Variants in TNS2 observed in about 807,000 individuals in gnomAD.
TNS2 encodes tensin-2.
TNS2 carries 77 observed loss-of-function variants against 155.7 expected under a neutral mutation model. The ratio of observed to expected loss-of-function variants is 0.49; its 90% CI spans 0.41 to 0.60. The LOEUF (loss-of-function observed/expected upper bound fraction) is 0.60. Among genes scored for constraint, TNS2 ranks in the 20% least tolerant of loss-of-function variants. The pLI is 0.00. For synonymous variants in TNS2, 726 were observed against 763.9 expected (o/e 0.95, Z 0.82); for missense variants, 1,703 against 1,868.8 (o/e 0.91, Z 1.64).
chr12:53,053,826 G>A lies in TNS2; in HGVS notation c.300+14G>A. On this transcript the variant is annotated intron_variant, in intron 5 of 28. Coordinates refer to ENST00000314250, the MANE Select transcript of TNS2 (RefSeq NM_170754.4). ...ATAGAGCACCTGGTAAGGTGATGCTGGAGCAGGAGGGGGAAGCAGGTAGCT... is the reference window on the plus strand; with the variant it reads ...ATAGAGCACCTGGTAAGGTGATGCTAGAGCAGGAGGGGGAAGCAGGTAGCT... The A allele has an allele frequency of 1.1e-5, 17 of 1,613,456 alleles. No homozygotes were observed. Among genetic ancestry groups the A allele is most frequent in the Non-Finnish European group, 1.4e-5 (17 of 1,179,740 alleles).
chr12:53,057,260 A>G (rs2121120360), intron 11 of TNS2, among the ~76,000 whole-genome samples, 164 bp downstream of exon 11: 1 of 152,316 alleles, frequency 6.6e-6, no homozygotes, highest in East Asian at 1.9e-4. Flanking sequence ...TGGAGCTTTC[A>G]TGCTAGTAGG....
chr12:53,063,550 TCTC>T lies in TNS2; in HGVS notation c.4062-10_4062-8del, dbSNP rs768606984. 3 of 1,613,566 alleles carry T rather than the reference TCTC, an allele frequency of 1.9e-6. No homozygotes were observed. Among genetic ancestry groups the T allele is most frequent in the East Asian group, 2.2e-5 (1 of 44,840 alleles). ...CCTGGGGTGTGCATCTTCACCTTCT[TCTC>T]CTTCTGCAGATGGACCAACCCAGAC... On this transcript the variant is annotated splice_polypyrimidine_tract_variant and intron_variant, in intron 27 of 28. Transcript: ENST00000314250. The surrounding 1 kb of genome is among the most constrained non-coding windows in gnomAD (Gnocchi z 5.6).
Position 53,061,362 on chromosome 12 carries a change from A to G in TNS2, c.3359-18A>G. ...CCCGGGTACCCTGGGGTCTGAACCT[A>G]CTCCCTCCCTGTCCTAGAGCCTCCT... On this transcript the variant is annotated intron_variant, in intron 20 of 28. Coordinates refer to ENST00000314250, the MANE Select transcript of TNS2 (RefSeq NM_170754.4). 6.2e-7 allele frequency: 1 copy of G among 1,613,136 alleles called. No homozygotes were observed. The highest frequency in any genetic ancestry group is 1.1e-5 in the South Asian group (1 of 91,044).
intron 7 of TNS2, among the ~76,000 whole-genome samples, 199 bp from the exon 8 acceptor site, chr12:53,054,987 T>C (rs556016430): frequency 1.3e-5 from 2 of 152,116 alleles, no homozygotes; most frequent in Non-Finnish European, 2.9e-5. Context: ...TTTCACCATG[T>C]TGGCCAGGCT....
At chr12:53,047,433 T>G (rs1371205963), upstream of TNS2, among the ~76,000 whole-genome samples, 1 of 142,658 alleles carries the variant, frequency 7.0e-6, no homozygotes, top group Non-Finnish European at 1.5e-5. Context: ...GCGCGGGCAG[T>G]GCCAGGGGCG....
At position 53,060,397 on chromosome 12, in the gene TNS2, C is replaced by T. The variant is rs371041171; in HGVS notation, c.2618-8C>T. 2 of 1,611,166 alleles carry T rather than the reference C, an allele frequency of 1.2e-6. No homozygotes were observed. Among genetic ancestry groups the T allele is most frequent in the Non-Finnish European group, 1.7e-6 (2 of 1,178,602 alleles). On this transcript the variant is annotated splice_region_variant and splice_polypyrimidine_tract_variant and intron_variant, in intron 18 of 28. Transcript: ENST00000314250. This position sits in a 1 kb window ranked among gnomAD's most constrained non-coding sequence, Gnocchi z 6.1. Reference sequence around the variant, plus strand: ...CTGCTCACAGCCCACCTCTCCCCTTCACTGCAGAGTCGCTGGAGCCGGTGT... The same window carrying T: ...CTGCTCACAGCCCACCTCTCCCCTTTACTGCAGAGTCGCTGGAGCCGGTGT...
At position 53,062,140 on chromosome 12, in the gene TNS2, C is replaced by T. The variant is rs753074250; in HGVS notation, c.3575-13C>T. ...AATCCTAAAGCCGCAATCTTCCCCTCGCCTCCTCTCAGGGGACCCCGTGGA... is the reference window on the plus strand; with the variant it reads ...AATCCTAAAGCCGCAATCTTCCCCTTGCCTCCTCTCAGGGGACCCCGTGGA... On this transcript the variant is annotated splice_polypyrimidine_tract_variant and intron_variant, in intron 22 of 28. Transcript: ENST00000314250. The T allele has an allele frequency of 2.7e-5, 43 of 1,613,656 alleles. No individual in the cohort carries two copies. The highest frequency in any genetic ancestry group is 6.7e-5 in the African/African-American group (5 of 74,916).
chr12:53,056,658 G>C (rs964389145), intron 10 of TNS2, among the ~76,000 whole-genome samples: 1 of 152,090 alleles, frequency 6.6e-6, no homozygotes, highest in African/African-American at 2.4e-5. Flanking sequence ...TTGGATTCAG[G>C]GTCCACCCTC....
chr12:53,059,362 G>T lies in TNS2; in HGVS notation c.1721G>T (p.Gly574Val). The T allele has an allele frequency of 6.9e-7, 1 of 1,452,280 alleles. No individual in the cohort carries two copies. 90.0% of individuals were successfully genotyped at this position (1,452,280 alleles called of 1,614,324 possible). The change falls in exon 18 of 29, where the codon GGA becomes GTA. Residue 574 changes from glycine to valine, a missense_variant. Gly to Val is a moderately radical substitution (Grantham distance 109). Transcript: ENST00000314250. This position sits in a 1 kb window ranked among gnomAD's most constrained non-coding sequence, Gnocchi z 4.7. ...LDDEEQPTVG[G>V]GPHLGVYPGH... Reference sequence around the variant, plus strand: ...GACGAAGAGCAGCCCACTGTGGGCGGAGGCCCCCACCTCGGAGTGTATCCA... The same window carrying T: ...GACGAAGAGCAGCCCACTGTGGGCGTAGGCCCCCACCTCGGAGTGTATCCA...
At chr12:53,052,807 T>TGGGGAGGGG (rs1943989139) in intron 3 of TNS2, among the ~76,000 whole-genome samples, 3 of 28,470 alleles carry the variant, frequency 1.1e-4, no homozygotes, top group Admixed American at 3.7e-4. Flanking sequence ...GTGGGGTGGG[T>TGGGGAGGGG]GGGGAGTGGG....
rs1455676391 is a variant in TNS2 at position 53,063,323 on chromosome 12, G to A, written c.3993-26G>A. The A allele has an allele frequency of 6.2e-7, 1 of 1,613,880 alleles. No homozygotes were observed. The highest frequency in any genetic ancestry group is 1.7e-5 in the Admixed American group (1 of 60,002). On this transcript the variant is annotated intron_variant, in intron 26 of 28. Coordinates refer to ENST00000314250, the MANE Select transcript of TNS2 (RefSeq NM_170754.4). This position sits in a 1 kb window ranked among gnomAD's most constrained non-coding sequence, Gnocchi z 5.6. ...CCTGGGGGCTCATGTTTCTGAGTGT[G>A]ACCTTCCTCACCCTCCTCCTTGCAG... is the stretch of plus-strand genomic sequence containing the variant.
chr12:53,059,402 C>A lies in TNS2; in HGVS notation c.1761C>A (p.Gly587=). ...GAGTGTATCCAGGCCATAGGCCTGG[C>A]CTCAGCCGCCACTGCTCCTGCCGCC... The part of the protein sequence containing the change: ...HLGVYPGHRP[G]LSRHCSCRQG... Residue 587 remains glycine, a synonymous_variant, in exon 18 of 29, where the codon GGC becomes GGA. Coordinates refer to ENST00000314250, the MANE Select transcript of TNS2 (RefSeq NM_170754.4). This position sits in a 1 kb window ranked among gnomAD's most constrained non-coding sequence, Gnocchi z 4.7. 6.8e-7 allele frequency: 1 copy of A among 1,470,240 alleles called. No homozygotes were observed. Among genetic ancestry groups the A allele is most frequent in the Non-Finnish European group, 9.0e-7 (1 of 1,111,892 alleles). The allele number at this position is 1,470,240 out of a possible 1,614,324, so 91.1% of individuals were successfully genotyped here.
At chr12:53,055,384 C>T (rs1450033373) in intron 8 of TNS2, 148 bp downstream of exon 8, 9 of 1,159,768 alleles carry the variant, frequency 7.8e-6, no homozygotes, top group Non-Finnish European at 1.1e-5. Context: ...CTGGAGACAC[C>T]CCAAAACGTG....
chr12:53,047,452 GGGGCGCGGGGCCGCCGGAGGTCGAGA>G (rs1357861177), upstream of TNS2, among the ~76,000 whole-genome samples: 1 of 144,630 alleles, frequency 6.9e-6, no homozygotes, highest in Non-Finnish European at 1.5e-5. Flanking sequence ...CGGGCGCCAG[GGGGCGCGGGGCCGCCGGAGGTCGAGA>G]GGGCGCGGGG....
chr12:53,051,899 G>A lies in TNS2; in HGVS notation c.120G>A (p.Arg40=). The A allele has an allele frequency of 2.5e-6, 4 of 1,613,604 alleles. No homozygotes were observed. Among genetic ancestry groups the A allele is most frequent in the Non-Finnish European group, 3.4e-6 (4 of 1,179,796 alleles). ...ATAGCTTCCGGGAGAAGGTTTTCCG[G>A]AAGAAACCTCCAGTCTGTGCAGTAT... The part of the protein sequence containing the change: ...EPHSFREKVF[R]KKPPVCAVCK... Residue 40 remains arginine, a synonymous_variant, in exon 2 of 29, where the codon CGG becomes CGA. Coordinates refer to ENST00000314250, the MANE Select transcript of TNS2 (RefSeq NM_170754.4).
At position 53,062,668 on chromosome 12, in the gene TNS2, C is replaced by T. The variant is rs773907528; in HGVS notation, c.3794C>T (p.Thr1265Ile). 1.2e-6 allele frequency: 2 copies of T among 1,614,042 alleles called. No homozygotes were observed. Among genetic ancestry groups the T allele is most frequent in the Non-Finnish European group, 1.7e-6 (2 of 1,179,970 alleles). Residue 1265 changes from threonine to isoleucine, a missense_variant, in exon 25 of 29, where the codon ACA (threonine) becomes ATA (isoleucine). By Grantham distance (89) the Thr-to-Ile change is moderately conservative. Coordinates refer to ENST00000314250, the MANE Select transcript of TNS2 (RefSeq NM_170754.4). ...PEAPVPTNMS[T>I]AADLLRQGAA... The stretch of plus-strand genomic sequence containing the variant: ...GCTCCAGTGCCCACCAACATGAGCA[C>T]AGCGGCAGACCTCCTGCGTCAGGGT...
At chr12:53,055,932 C>T in intron 10 of TNS2, 87 bp downstream of exon 10, 1 of 1,413,848 alleles carries the variant, frequency 7.1e-7, no homozygotes, top group South Asian at 1.3e-5. Flanking sequence ...CTGGAGCCCA[C>T]CTCTTCGTTG....
In TNS2 at chr12:53,059,588, G is replaced by A. The variant is rs773685940; in HGVS notation, c.1947G>A (p.Glu649=). 6.2e-7 allele frequency: 1 copy of A among 1,606,498 alleles called. No individual in the cohort carries two copies. The highest frequency in any genetic ancestry group is 8.5e-7 in the Non-Finnish European group (1 of 1,176,832). The change falls in exon 18 of 29, where the codon GAG becomes GAA. Residue 649 remains glutamate (E), a synonymous_variant. Transcript: ENST00000314250. This position sits in a 1 kb window ranked among gnomAD's most constrained non-coding sequence, Gnocchi z 4.7. ...GGCGCCTCTGCCGATCGCTGTCAGA[G>A]GGGCTATACCCCTACCCACCTGAGA... ...EKRRLCRSLS[E]GLYPYPPEMG...
rs2121129153 is a variant in TNS2 at position 53,058,256 on chromosome 12, A to G, written c.1096-60A>G. On this transcript the variant is annotated intron_variant, in intron 14 of 28. Coordinates refer to ENST00000314250, the MANE Select transcript of TNS2 (RefSeq NM_170754.4). ...CAGAAGCTGTGACCAGGCAGTCCCC[A>G]GGGTGGAAGCGCAGAAGAGGACATG... 2.5e-6 allele frequency: 4 copies of G among 1,605,614 alleles called. No homozygotes were observed. In the South Asian group the frequency reaches 4.4e-5, roughly 18 times the overall value.
Sources: allele counts gnomAD v4.1 joint callset (sites outside exome capture counted in the v4.1 genomes callset), GRCh38; gene constraint gnomAD v4.1.1; non-coding constraint Gnocchi (gnomAD v3.1); transcripts MANE v1.5; gene names NCBI Gene and HGNC (gene_info 2026-07-23, HGNC 2026-07-21).